The following COPB1 variants were observed in gnomAD, a reference collection of about 807,000 sequenced individuals.
The protein encoded by COPB1 is coat protein complex I subunit beta 1.
Under a neutral mutation model 108.7 loss-of-function variants are expected in COPB1, and 21 were observed. That is an observed-to-expected ratio of 0.19 (90% CI 0.14 to 0.28). The LOEUF (loss-of-function observed/expected upper bound fraction) is 0.28. Ranked by LOEUF, COPB1 falls within the 10% of genes least tolerant of loss-of-function variation. The pLI is 1.00. For missense variants in COPB1, 919 were observed against 1,141.3 expected (o/e 0.81, Z 2.81); for synonymous variants, 378 against 386.8 (o/e 0.98, Z 0.27).
At chr11:14,472,547 T>C (rs913327661) in intron 14 of COPB1, among the ~76,000 whole-genome samples, 4 of 152,204 alleles carry the variant, frequency 2.6e-5, no homozygotes, top group Non-Finnish European at 5.9e-5. Flanking sequence ...AGCCTATCCT[T>C]TGAAGCTTTG....
intron 2 of COPB1, chr11:14,494,729 T>G (rs1850979657): frequency 7.2e-6 from 2 of 277,068 alleles, no homozygotes; most frequent in Non-Finnish European, 1.3e-5. Context: ...TCCATGAATC[T>G]ACAGTCATAC....
intron 20 of COPB1, 164 bp downstream of exon 20, chr11:14,460,044 G>T (rs965640311): frequency 1.8e-6 from 1 of 547,614 alleles, no homozygotes; most frequent in Non-Finnish European, 3.2e-6. Flanking sequence ...TAGTCCAATA[G>T]AAAGAGGTAA....
In COPB1 at chr11:14,471,012, A is replaced by C. The variant is rs533682756; in HGVS notation, c.1738-1449T>G. Among the ~76,000 whole-genome samples, 3 of 152,060 alleles carry C rather than the reference A, an allele frequency of 2.0e-5. No homozygotes were observed. The South Asian group carries it at 6.2e-4, about 32-fold the overall frequency. On this transcript the variant is annotated intron_variant, in intron 14 of 21. Transcript: ENST00000439561. ...ACTTCTCACCAAAAAGCCAGAAGACAATGGAGCTTTACTTTTACACTACTG... is the reference window on the plus strand; with the variant it reads ...ACTTCTCACCAAAAAGCCAGAAGACCATGGAGCTTTACTTTTACACTACTG...
At chr11:14,498,702 A>AGGTCTAT in intron 2 of COPB1, 136 bp downstream of exon 2, 1 of 601,738 alleles carries the variant, frequency 1.7e-6, no homozygotes, top group Non-Finnish European at 2.7e-6. Flanking sequence ...TTTTAATAAA[A>AGGTCTAT]GGTCTATCGA....
chr11:14,482,818 G>A (rs1283498181), intron 8 of COPB1, among the ~76,000 whole-genome samples: 2 of 152,204 alleles, frequency 1.3e-5, no homozygotes, highest in Non-Finnish European at 2.9e-5. Flanking sequence ...TTACAGGCGT[G>A]AGCCACCGCG....
intron 19 of COPB1, 152 bp downstream of exon 19, chr11:14,461,034 G>A (rs562783406): frequency 1.1e-6 from 1 of 929,158 alleles, no homozygotes; most frequent in Admixed American, 2.6e-5. Context: ...ATGATTTTTA[G>A]TTAAGGCTAA....
chr11:14,477,616 C>T (rs1248622363), intron 11 of COPB1, among the ~76,000 whole-genome samples: 3 of 150,736 alleles, frequency 2.0e-5, no homozygotes, highest in Admixed American at 1.3e-4. Flanking sequence ...TCCTTGAGGC[C>T]GGGCACAGTG....
intron 2 of COPB1, 144 bp from the exon 3 acceptor site, chr11:14,494,583 A>AGGTTCTCCACCT: frequency 1.7e-6 from 1 of 581,014 alleles, no homozygotes; most frequent in Non-Finnish European, 3.0e-6. Context: ...CCAAGTGACA[A>AGGTTCTCCACCT]GGTTCTCCAC....
At chr11:14,464,300 A>G (rs1850228703) in intron 18 of COPB1, among the ~76,000 whole-genome samples, 1 of 152,152 alleles carries the variant, frequency 6.6e-6, no homozygotes, top group African/African-American at 2.4e-5. Context: ...ATGGATTCCT[A>G]CCTTACTTAG....
rs371053535 is a variant in COPB1 at position 14,480,881 on chromosome 11, C to T, written c.1090G>A (p.Val364Met). 7 of 1,613,826 alleles carry T rather than the reference C, an allele frequency of 4.3e-6. No homozygotes were observed. The highest frequency in any genetic ancestry group is 5.9e-6 in the Non-Finnish European group (7 of 1,179,936). The part of the protein sequence containing the change: ...EELVIVLKKE[V>M]IKTNNVSEHE... ...TCAGACACATTATTTGTTTTTATCA[C>T]TTCCTTCTTCAGGACAATAACCAGC... The change falls in exon 10 of 22, where the codon GTG (valine) becomes ATG (methionine). Residue 364 changes from valine (V) to methionine (M), a missense_variant. Val to Met is a conservative substitution (Grantham distance 21). Transcript: ENST00000439561.
At chr11:14,470,820 GA>G (rs1251669369) in intron 14 of COPB1, among the ~76,000 whole-genome samples, 1 of 150,760 alleles carries the variant, frequency 6.6e-6, no homozygotes, top group African/African-American at 2.4e-5. Context: ...CAAACATGAA[GA>G]AAACCACACT....
chr11:14,458,541 T>G lies in COPB1; in HGVS notation c.2793A>C (p.Ala931=). The change falls in exon 21 of 22, where the codon GCA becomes GCC. Residue 931 remains alanine (A), a synonymous_variant. Coordinates refer to ENST00000439561, the MANE Select transcript of COPB1 (RefSeq NM_001144061.2). The stretch of plus-strand genomic sequence containing the variant: ...AAAAAGGAACTGTTACCTGGCTCTT[T>G]GCACGAATTCTTATATGGCCGGTAA... ...AAVTGHIRIR[A]KSQGMALSLG... is the part of the protein sequence containing the mutation. The G allele has an allele frequency of 6.2e-7, 1 of 1,609,402 alleles. No homozygotes were observed. Among genetic ancestry groups the G allele is most frequent in the Non-Finnish European group, 8.5e-7 (1 of 1,178,600 alleles).
At chr11:14,481,429 A>AT (rs1486460409) in intron 8 of COPB1, among the ~76,000 whole-genome samples, 10 of 152,218 alleles carry the variant, frequency 6.6e-5, no homozygotes, top group Admixed American at 3.3e-4. Flanking sequence ...AAAGAGGGGC[A>AT]TTTTATAGTA....
In COPB1 at chr11:14,474,610, G is replaced by C; in HGVS notation, c.1622C>G (p.Pro541Arg). 6.2e-7 allele frequency: 1 copy of C among 1,613,406 alleles called. No homozygotes were observed. Among genetic ancestry groups the C allele is most frequent in the South Asian group, 1.1e-5 (1 of 91,054 alleles). ...TCCATCCAGAAGGAATCCTCTCAAG[G>C]GAGGTCTGCAAAGCAACCAAGGAAA... ...RPTKKEEDRP[P>R]LRGFLLDGDF... The change falls in exon 14 of 22, where the codon CCC becomes CGC. Residue 541 changes from proline (P) to arginine (R), a missense_variant. Around this residue, in one of 5 missense-constraint regions of COPB1, gnomAD observed 705 missense variants for 817.8 expected, o/e 0.86. Transcript: ENST00000439561.
intron 21 of COPB1, 137 bp from the exon 22 acceptor site, chr11:14,458,020 C>T: frequency 2.3e-6 from 1 of 441,284 alleles, no homozygotes. Flanking sequence ...AACAGACTTA[C>T]CAAACTTTAC....
intron 6 of COPB1, among the ~76,000 whole-genome samples, chr11:14,487,697 A>AAAAAAC (rs1237605725): frequency 1.3e-5 from 2 of 151,764 alleles, no homozygotes; most frequent in African/African-American, 4.9e-5. Flanking sequence ...AACAACAAAA[A>AAAAAAC]AAAAACAAAA....
intron 19 of COPB1, 66 bp downstream of exon 19, chr11:14,461,120 G>C (rs1483457899): frequency 3.2e-6 from 5 of 1,580,478 alleles, no homozygotes; most frequent in Non-Finnish European, 3.5e-6. Flanking sequence ...TTTATTAGCA[G>C]ACTCCTCAAC....
chr11:14,465,097 A>ACACG (rs1565012307), intron 17 of COPB1, 67 bp from the exon 18 acceptor site: 2 of 1,437,348 alleles, frequency 1.4e-6, no homozygotes, highest in East Asian at 4.7e-5. Flanking sequence ...ACACACACAC[A>ACACG]CACACACACA....
In COPB1 at chr11:14,490,671, T is replaced by C; in HGVS notation, c.500A>G (p.Glu167Gly). The change falls in exon 5 of 22, where the codon GAA (glutamate) becomes GGA (glycine). Residue 167 changes from glutamate to glycine, a missense_variant. Physicochemically the swap from Glu to Gly is moderately conservative, Grantham distance 98 (BLOSUM62 -2). Coordinates refer to ENST00000439561, the MANE Select transcript of COPB1 (RefSeq NM_001144061.2). ...TTCAGGAGCATCAGGTATAAGATGT[T>C]CAAAATTTCTTTAAATAAAACAGGT... is the stretch of plus-strand genomic sequence containing the variant. Reference protein sequence around the residue: ...LAIYTIYRNFEHLIPDAPELI... With the variant: ...LAIYTIYRNFGHLIPDAPELI... 3 of 1,592,666 alleles carry C rather than the reference T, an allele frequency of 1.9e-6. No individual in the cohort carries two copies. The highest frequency in any genetic ancestry group is 2.6e-6 in the Non-Finnish European group (3 of 1,168,326).
Sources: allele counts gnomAD v4.1 joint callset (sites outside exome capture counted in the v4.1 genomes callset), GRCh38; gene constraint gnomAD v4.1.1; regional missense constraint gnomAD v4.1.1; transcripts MANE v1.5; gene names NCBI Gene and HGNC (gene_info 2026-07-23, HGNC 2026-07-21).